The following TRMT11 variants were observed in gnomAD, a reference collection of about 807,000 sequenced individuals.
The protein encoded by TRMT11 is tRNA (guanine(10)-N(2))-methyltransferase TRMT11.
TRMT11 carries 53 observed loss-of-function variants against 62.8 expected under a neutral mutation model. That is an observed-to-expected ratio of 0.84 (90% CI 0.68 to 1.06). The LOEUF (loss-of-function observed/expected upper bound fraction) is 1.06, where lower values mean the gene tolerates loss of function less well. Among genes scored for constraint, TRMT11 ranks in the 50% least tolerant of loss-of-function variants. TRMT11 has a pLI of 0.00. For missense variants in TRMT11, 556 were observed against 553.4 expected, an observed-to-expected ratio of 1.00 and a Z score of -0.05; for synonymous variants, 188 against 190.3, an observed-to-expected ratio of 0.99 and a Z score of 0.10.
the TRMT11 span, among the ~76,000 whole-genome samples, chr6:126,262,016 G>A: frequency 6.6e-6 from 1 of 152,356 alleles, no homozygotes; most frequent in African/African-American, 2.4e-5. Flanking sequence ...GAGGTGGGAA[G>A]TCCTGTGGCT....
chr6:126,045,554 C>A (rs1445613321), intron 16 of TRMT11, among the ~76,000 whole-genome samples: 2 of 152,102 alleles, frequency 1.3e-5, no homozygotes, highest in Admixed American at 6.5e-5. Flanking sequence ...GGTTGCAGGC[C>A]AAGTATCAGA....
chr6:126,121,469 T>C (rs1777648722), intron 21 of TRMT11, among the ~76,000 whole-genome samples: 1 of 152,146 alleles, frequency 6.6e-6, no homozygotes, highest in Non-Finnish European at 1.5e-5. Flanking sequence ...TGATCTTTAG[T>C]AGTGTGGAAG....
At chr6:126,206,903 G>A (rs1416695559), downstream of TRMT11, among the ~76,000 whole-genome samples, 1 of 152,146 alleles carries the variant, frequency 6.6e-6, no homozygotes, top group Non-Finnish European at 1.5e-5. Flanking sequence ...AATAAACAAA[G>A]TATAAATTAA....
intron 11 of TRMT11, among the ~76,000 whole-genome samples, chr6:126,014,708 G>A (rs957095919): frequency 6.6e-6 from 1 of 152,038 alleles, no homozygotes; most frequent in Non-Finnish European, 1.5e-5. Context: ...TATGCATTTC[G>A]TTATCAGCTG....
intron 11 of TRMT11, among the ~76,000 whole-genome samples, chr6:126,014,760 G>GT (rs914534985): frequency 7.5e-4 from 113 of 151,608 alleles, no homozygotes; most frequent in African/African-American, 2.4e-3. Context: ...TTAACACTGA[G>GT]TTTTTTTTTG....
At chr6:126,056,453 T>G (rs1776376648) in intron 17 of TRMT11, among the ~76,000 whole-genome samples, 1 of 152,190 alleles carries the variant, frequency 6.6e-6, no homozygotes, top group Non-Finnish European at 1.5e-5. Flanking sequence ...GATCCTCTCT[T>G]GAATTCTGCC....
the TRMT11 span, among the ~76,000 whole-genome samples, chr6:126,211,153 G>A: frequency 2.6e-5 from 4 of 152,110 alleles, no homozygotes; most frequent in Non-Finnish European, 5.9e-5. Context: ...CTCTTCTGGG[G>A]CAGCTAAGGC....
the TRMT11 span, among the ~76,000 whole-genome samples, chr6:126,209,687 C>T: frequency 9.2e-5 from 14 of 152,128 alleles, no homozygotes; most frequent in East Asian, 2.5e-3. Context: ...GATCGCATGC[C>T]ACCGCACTCC....
At chr6:126,190,112 A>T (rs1392780843) in intron 1 of TRMT11, among the ~76,000 whole-genome samples, 2 of 152,182 alleles carry the variant, frequency 1.3e-5, no homozygotes, top group Non-Finnish European at 2.9e-5. Context: ...ATTATTAACT[A>T]TAATTTTCCT....
chr6:126,245,330 T>C, the TRMT11 span, among the ~76,000 whole-genome samples: 1 of 152,230 alleles, frequency 6.6e-6, no homozygotes, highest in South Asian at 2.1e-4. Context: ...ATGCATATGG[T>C]ACATATGGTG....
At position 126,167,201 on chromosome 6, in the gene TRMT11, T is replaced by C. The variant is rs545238958; in HGVS notation, c.*1824-7624T>C. On this transcript the variant is annotated intron_variant and NMD_transcript_variant, in intron 21 of 22. Transcript: ENST00000648977. ...GCAGCTAGCTCGGTGTCTGCCCAAATGGCTGCCCAGTTTTGTGCTTGAAAC... is the reference window on the plus strand; with the variant it reads ...GCAGCTAGCTCGGTGTCTGCCCAAACGGCTGCCCAGTTTTGTGCTTGAAAC... 1.2e-4 allele frequency among the ~76,000 whole-genome samples: 18 copies of C among 152,270 alleles called. No homozygotes were observed. In the East Asian group the frequency reaches 3.3e-3, roughly 28 times the overall value.
At chr6:126,085,910 T>C (rs1016619339) in intron 17 of TRMT11, among the ~76,000 whole-genome samples, 4 of 152,166 alleles carry the variant, frequency 2.6e-5, no homozygotes, top group African/African-American at 7.2e-5. Flanking sequence ...GTGGAGATGA[T>C]GCATGTGTGG....
intron 16 of TRMT11, among the ~76,000 whole-genome samples, chr6:126,046,123 C>T: frequency 6.6e-6 from 1 of 152,088 alleles, no homozygotes; most frequent in Non-Finnish European, 1.5e-5. Context: ...GGAGTTGGCC[C>T]CCCAACCTTG....
At chr6:126,258,700 T>C in the TRMT11 span, among the ~76,000 whole-genome samples, 4 of 152,252 alleles carry the variant, frequency 2.6e-5, no homozygotes, top group African/African-American at 9.6e-5. Flanking sequence ...TGTCTTTGTA[T>C]TTCTGTGGTA....
At chr6:126,245,573 C>T in the TRMT11 span, among the ~76,000 whole-genome samples, 4 of 152,218 alleles carry the variant, frequency 2.6e-5, no homozygotes, top group East Asian at 7.7e-4. Context: ...TGAATCTGCA[C>T]TTGCATTGGT....
At chr6:126,004,731 T>C (rs1006423609) in intron 7 of TRMT11, among the ~76,000 whole-genome samples, 1 of 152,116 alleles carries the variant, frequency 6.6e-6, no homozygotes, top group Non-Finnish European at 1.5e-5. Context: ...GGTACAAAAT[T>C]GAAATGTATG....
At chr6:126,226,155 C>G in the TRMT11 span, among the ~76,000 whole-genome samples, 2 of 152,018 alleles carry the variant, frequency 1.3e-5, no homozygotes, top group Non-Finnish European at 2.9e-5. Flanking sequence ...AGAGAGTAAG[C>G]AATAAGCTAT....
Position 126,018,505 on chromosome 6 carries a change from A to G in TRMT11, c.1140-2655A>G, listed in dbSNP as rs527546076. Among the ~76,000 whole-genome samples, 3 of 152,080 alleles carry G rather than the reference A, an allele frequency of 2.0e-5. No individual in the cohort carries two copies. The East Asian group carries it at 5.8e-4, about 29-fold the overall frequency. ...TGACATAGAATTTGTATACCATGAA[A>G]TTCACCCCCTTAACGTATACAACTT... On this transcript the variant is annotated intron_variant, in intron 11 of 12. Transcript: ENST00000334379.
intron 21 of TRMT11, among the ~76,000 whole-genome samples, chr6:126,140,501 G>C (rs1777905447): frequency 6.6e-6 from 1 of 152,016 alleles, no homozygotes; most frequent in African/African-American, 2.4e-5. Flanking sequence ...TGAGTTGGGT[G>C]CCATTTCAAG....
Sources: allele counts gnomAD v4.1 joint callset (sites outside exome capture counted in the v4.1 genomes callset), GRCh38; gene constraint gnomAD v4.1.1; transcripts MANE v1.5; gene names NCBI Gene and HGNC (gene_info 2026-07-23, HGNC 2026-07-21).